Variants in EYS observed in about 807,000 individuals in gnomAD.
EYS encodes the protein EGF-like photoreceptor maintenance factor.
In EYS, 250 loss-of-function variants were observed where a neutral mutation model predicts 282.1. The observed-to-expected ratio is 0.89, with a 90% CI of 0.80 to 0.98. The LOEUF is 0.98. EYS is among the 50% of genes least tolerant of loss of function. The probability of loss-of-function intolerance (pLI) is 0.00; values close to 1 mark genes in which losing one functional copy is unlikely to be tolerated. For missense variants in EYS, 4,016 were observed against 3,709.0 expected (o/e 1.08, Z -2.15); for synonymous variants, 1,355 against 1,282.9 (o/e 1.06, Z -1.20).
intron 15 of EYS, among the ~76,000 whole-genome samples, chr6:64,920,225 G>C (rs1186161148): frequency 6.6e-6 from 1 of 151,976 alleles, no homozygotes; most frequent in Admixed American, 6.6e-5. Context: ...ACAACATCTT[G>C]AATAAAGCTG....
At chr6:64,759,205 C>G (rs186120289) in intron 22 of EYS, among the ~76,000 whole-genome samples, 1 of 152,170 alleles carries the variant, frequency 6.6e-6, no homozygotes, top group Non-Finnish European at 1.5e-5. Flanking sequence ...GGGTAGCTAT[C>G]AAGAGATACA....
At chr6:64,211,924 T>G (rs1444825689) in intron 31 of EYS, among the ~76,000 whole-genome samples, 3 of 151,746 alleles carry the variant, frequency 2.0e-5, no homozygotes, top group Non-Finnish European at 4.4e-5. Context: ...GAGACCAGCT[T>G]GGCCAACATG....
chr6:65,110,659 A>C (rs1775189802), intron 12 of EYS, among the ~76,000 whole-genome samples: 1 of 152,032 alleles, frequency 6.6e-6, no homozygotes, highest in Non-Finnish European at 1.5e-5. Context: ...CATTCATCAT[A>C]TTAAAGTACA....
chr6:65,393,207 G>A (rs543236266), intron 7 of EYS, among the ~76,000 whole-genome samples: 32 of 152,188 alleles, frequency 2.1e-4, no homozygotes, highest in African/African-American at 7.2e-4. Context: ...AGCATTGGGA[G>A]ATATACCTAA....
At chr6:64,866,358 C>T (rs1366632014) in intron 19 of EYS, among the ~76,000 whole-genome samples, 1 of 151,828 alleles carries the variant, frequency 6.6e-6, no homozygotes, top group Non-Finnish European at 1.5e-5. Context: ...TCTCTTAGAC[C>T]TTGAGATCTG....
At chr6:64,300,953 G>A (rs756717474) in intron 30 of EYS, among the ~76,000 whole-genome samples, 1 of 152,162 alleles carries the variant, frequency 6.6e-6, no homozygotes, top group Admixed American at 6.5e-5. Flanking sequence ...TTGCTCTCTA[G>A]TAGAAAAGAA....
chr6:65,416,448 C>T (rs1430506803), intron 5 of EYS, among the ~76,000 whole-genome samples: 2 of 151,790 alleles, frequency 1.3e-5, no homozygotes, highest in Non-Finnish European at 2.9e-5. Context: ...ACAGACATAA[C>T]CCAAATAATT....
intron 12 of EYS, among the ~76,000 whole-genome samples, chr6:65,116,451 T>C (rs1775376406): frequency 6.6e-6 from 1 of 152,124 alleles, no homozygotes; most frequent in Admixed American, 6.5e-5. Flanking sequence ...ACAAGTGCTA[T>C]AAGTGGATCA....
chr6:64,791,668 T>C (rs993270336), intron 22 of EYS, among the ~76,000 whole-genome samples: 1 of 151,904 alleles, frequency 6.6e-6, no homozygotes, highest in Non-Finnish European at 1.5e-5. Flanking sequence ...TGTATTGTTT[T>C]GCATTTAAAA....
intron 8 of EYS, among the ~76,000 whole-genome samples, chr6:65,380,868 A>AT (rs1167357163): frequency 1.3e-5 from 2 of 152,138 alleles, no homozygotes; most frequent in Non-Finnish European, 2.9e-5. Context: ...TATAAAAAAA[A>AT]GCTCATCATC....
In EYS at chr6:65,579,153, T is replaced by C. The variant is rs527669964; in HGVS notation, c.-333+60625A>G. On this transcript the variant is annotated intron_variant, in intron 2 of 42. Coordinates refer to ENST00000503581, the MANE Select transcript of EYS (RefSeq NM_001142800.2). ...ACGATTATTCGTTTGCCTGTATACA[T>C]GTGTTTTTTTGTTCCTTTCTTAGGG... Among the ~76,000 whole-genome samples, 4 of 152,244 alleles carry C rather than the reference T, an allele frequency of 2.6e-5. No individual in the cohort carries two copies. The South Asian group carries it at 6.2e-4, about 24-fold the overall frequency.
intron 1 of EYS, among the ~76,000 whole-genome samples, chr6:65,647,216 T>C (rs1181463760): frequency 1.3e-5 from 2 of 152,096 alleles, no homozygotes; most frequent in African/African-American, 4.8e-5. Context: ...AAAGCCAGAC[T>C]AAGCAAAAAG....
At position 63,915,637 on chromosome 6, in the gene EYS, C is replaced by T. The variant is rs577996262; in HGVS notation, c.7056-51279G>A. On this transcript the variant is annotated intron_variant, in intron 35 of 42. Coordinates refer to ENST00000503581, the MANE Select transcript of EYS (RefSeq NM_001142800.2). ...TGAAACCTTTCTGGAAAGAATTCAC[C>T]ATTCTATATGCCATTAAGAATACCT... 2.0e-4 allele frequency among the ~76,000 whole-genome samples: 31 copies of T among 152,280 alleles called. No individual in the cohort carries two copies. The South Asian group carries it at 6.2e-3, about 31-fold the overall frequency.
At chr6:65,423,342 C>A (rs1767537832) in intron 5 of EYS, among the ~76,000 whole-genome samples, 1 of 151,764 alleles carries the variant, frequency 6.6e-6, no homozygotes, top group Admixed American at 6.6e-5. Context: ...TTAAACCATG[C>A]ATAAAATTAA....
In EYS at chr6:63,721,010, ATCATTTTCT is replaced by A. The variant is rs1768361133; in HGVS notation, c.9012_9020del (p.Glu3004_Asn3006del). The A allele has an allele frequency of 6.4e-7, 1 of 1,551,342 alleles. No individual in the cohort carries two copies. Among genetic ancestry groups the A allele is most frequent in the South Asian group, 1.2e-5 (1 of 84,058 alleles). On this transcript the variant is annotated inframe_deletion, in exon 43 of 43. Transcript: ENST00000503581. ...GATTATGGAGACCAATTGCCAGAAA[ATCATTTTCT>A]TCATTTTGAGCTATTCCCATCCATA...
rs187700570 is a variant in EYS, at chr6:64,551,201, C to T, written c.5644+39022G>A. ...ATACACACATATATACATATATACA[C>T]ACATATATATATATACATATATATA... On this transcript the variant is annotated intron_variant, in intron 26 of 42. Transcript: ENST00000503581. Among the ~76,000 whole-genome samples the T allele has an allele frequency of 2.0e-5, 3 of 147,946 alleles. No homozygotes were observed. The Admixed American group carries it at 2.0e-4, about 10-fold the overall frequency.
At chr6:64,260,001 T>G (rs990411743) in intron 30 of EYS, among the ~76,000 whole-genome samples, 1 of 152,112 alleles carries the variant, frequency 6.6e-6, no homozygotes, top group Non-Finnish European at 1.5e-5. Context: ...TATTGGGACA[T>G]TTAGCCATCT....
chr6:64,640,533 C>T (rs900664193), intron 22 of EYS, among the ~76,000 whole-genome samples: 8 of 148,902 alleles, frequency 5.4e-5, no homozygotes, highest in African/African-American at 2.0e-4. Flanking sequence ...AACACATGGA[C>T]ACAGGAAGGG....
chr6:64,561,919 C>CAAAAAAAA (rs57111776), intron 26 of EYS, among the ~76,000 whole-genome samples: 2 of 87,168 alleles, frequency 2.3e-5, no homozygotes, highest in Admixed American at 1.3e-4. Flanking sequence ...CACATGGAAC[C>CAAAAAAAA]AAAAAAAAAA....
Sources: gnomAD v4.1 joint callset for allele counts (sites outside exome capture counted in the v4.1 genomes callset) on GRCh38, gnomAD v4.1.1 for gene constraint, MANE v1.5 for transcripts, NCBI Gene and HGNC (gene_info 2026-07-23, HGNC 2026-07-21) for gene names.